The following GAD2 variants were observed in gnomAD, a reference collection of about 807,000 sequenced individuals.
The protein encoded by GAD2 is glutamate decarboxylase 2.
Under a neutral mutation model 80.1 loss-of-function variants are expected in GAD2, and 22 were observed. The observed-to-expected ratio is 0.27, with a 90% confidence interval of 0.20 to 0.39. The LOEUF (loss-of-function observed/expected upper bound fraction) is 0.39, where lower values mean the gene tolerates loss of function less well. Among genes scored for constraint, GAD2 ranks in the 10% least tolerant of loss-of-function variants. GAD2 has a pLI of 1.00. For missense variants in GAD2, 624 were observed against 738.4 expected, an observed-to-expected ratio of 0.85 and a Z score of 1.80; for synonymous variants, 274 against 256.9, an observed-to-expected ratio of 1.07 and a Z score of -0.64.
intron 13 of GAD2, 100 bp from the exon 14 acceptor site, chr10:26,292,365 G>A: frequency 1.2e-6 from 1 of 847,480 alleles, no homozygotes; most frequent in South Asian, 1.6e-5. Context: ...GTGCCAGACG[G>A]GGCTAAGACA....
intron 8 of GAD2, among the ~76,000 whole-genome samples, chr10:26,263,600 C>T (rs548042331): frequency 1.5e-4 from 23 of 152,352 alleles, no homozygotes; most frequent in African/African-American, 5.3e-4. Context: ...AGTCACTACG[C>T]AGTCTGTGCA....
At chr10:26,218,371 AT>A (rs577838114) in intron 3 of GAD2, 43 of 190,058 alleles carry the variant, frequency 2.3e-4, no homozygotes, top group East Asian at 3.9e-4. Flanking sequence ...TCAGAATTGC[AT>A]TTTTTTTAGG....
At chr10:26,218,764 C>T (rs1352024217) in intron 3 of GAD2, among the ~76,000 whole-genome samples, 2 of 152,026 alleles carry the variant, frequency 1.3e-5, no homozygotes, top group African/African-American at 4.8e-5. Context: ...ACTAGATAAA[C>T]GGAGGTACAC....
intron 6 of GAD2, among the ~76,000 whole-genome samples, chr10:26,226,447 T>C (rs1844524145): frequency 6.6e-6 from 1 of 152,210 alleles, no homozygotes. Flanking sequence ...GATGTCACAC[T>C]ACAGTGCAGT....
At chr10:26,229,259 T>C (rs971356678) in intron 6 of GAD2, among the ~76,000 whole-genome samples, 1 of 151,068 alleles carries the variant, frequency 6.6e-6, no homozygotes, top group Non-Finnish European at 1.5e-5. Context: ...TTAATCCAAA[T>C]GCAAGGCACT....
chr10:26,271,352 G>A (rs1410018763), intron 10 of GAD2, among the ~76,000 whole-genome samples: 1 of 151,960 alleles, frequency 6.6e-6, no homozygotes, highest in African/African-American at 2.4e-5. Flanking sequence ...TAATGAAGGT[G>A]TTCCCTCCAG....
At chr10:26,229,523 G>A in intron 6 of GAD2, 139 bp from the exon 7 acceptor site, 1 of 626,146 alleles carries the variant, frequency 1.6e-6, no homozygotes, top group South Asian at 2.0e-5. Flanking sequence ...TTGAGTCTGA[G>A]GATTCAGTTT....
chr10:26,285,254 G>A (rs553474694), intron 12 of GAD2, among the ~76,000 whole-genome samples: 16 of 152,280 alleles, frequency 1.1e-4, no homozygotes, highest in Admixed American at 2.0e-4. Flanking sequence ...TCAGCACTCC[G>A]TCTTTCAAAA....
At chr10:26,236,344 A>G (rs549827732) in intron 7 of GAD2, among the ~76,000 whole-genome samples, 14 of 141,864 alleles carry the variant, frequency 9.9e-5, no homozygotes, top group Non-Finnish European at 1.5e-4. Flanking sequence ...CTTGTCGTCC[A>G]GGCTGGAGTG....
chr10:26,247,243 C>T (rs1422395085), intron 8 of GAD2, among the ~76,000 whole-genome samples: 3 of 152,198 alleles, frequency 2.0e-5, no homozygotes, highest in Non-Finnish European at 4.4e-5. Flanking sequence ...ATTACCATGG[C>T]ATTTGTAAAC....
intron 7 of GAD2, among the ~76,000 whole-genome samples, chr10:26,244,808 A>T (rs75172294): frequency 0.026 from 4,005 of 152,230 alleles, 189 homozygotes; most frequent in African/African-American, 0.091. Context: ...GAGGTGATGG[A>T]TTGCACAACA....
intron 7 of GAD2, among the ~76,000 whole-genome samples, chr10:26,230,779 T>A (rs907659870): frequency 6.6e-6 from 1 of 151,436 alleles, no homozygotes; most frequent in Non-Finnish European, 1.5e-5. Context: ...TGACCAGAGG[T>A]TTTGTTACCA....
At chr10:26,260,106 C>T (rs1343046333) in intron 8 of GAD2, among the ~76,000 whole-genome samples, 2 of 152,000 alleles carry the variant, frequency 1.3e-5, no homozygotes, top group East Asian at 3.8e-4. Flanking sequence ...TAAGTATTTA[C>T]TGATTAGAAA....
chr10:26,242,383 G>T (rs938533102), intron 7 of GAD2, among the ~76,000 whole-genome samples: 8 of 152,058 alleles, frequency 5.3e-5, no homozygotes, highest in Admixed American at 5.2e-4. Flanking sequence ...TTGTTCTTCA[G>T]ACACTCTTTT....
chr10:26,245,879 T>A lies in GAD2; in HGVS notation c.841-42T>A, dbSNP rs761608919. On this transcript the variant is annotated intron_variant, in intron 7 of 15. Coordinates refer to ENST00000376261, the MANE Select transcript of GAD2 (RefSeq NM_001134366.2). Reference sequence around the variant, plus strand: ...AACAGCCAGTGGAATGGATCTTGTCTGTATATGGAACTAATTGCAAATATA... The same window carrying A: ...AACAGCCAGTGGAATGGATCTTGTCAGTATATGGAACTAATTGCAAATATA... 2.7e-6 allele frequency: 4 copies of A among 1,455,750 alleles called. No individual in the cohort carries two copies. In the Admixed American group the frequency reaches 5.1e-5, roughly 19 times the overall value. The allele number at this position is 1,455,750 out of a possible 1,614,324, so 90.2% of individuals were successfully genotyped here.
rs1376644376 is a variant in GAD2, at chr10:26,303,587, A to C, written c.*2626A>C. 6.6e-6 allele frequency: 1 copy of C among 152,078 alleles called. No homozygotes were observed. The highest frequency in any genetic ancestry group is 1.5e-5 in the Non-Finnish European group (1 of 68,022). 9.4% of individuals were successfully genotyped at this position (152,078 alleles called of 1,614,324 possible). A position where few individuals can be genotyped will look rare whatever the true frequency, so the allele number is the denominator to read the frequency against. On this transcript the variant is annotated 3_prime_UTR_variant, in exon 16 of 16. Transcript: ENST00000376261. ...TCTTTATGTGTGCCCATTCTTTACA[A>C]ATCTTAGAAAAGTTTGGTTTTAGCT... is the stretch of plus-strand genomic sequence containing the variant.
intron 7 of GAD2, among the ~76,000 whole-genome samples, chr10:26,235,711 G>C (rs377432331): frequency 1.6e-4 from 25 of 152,162 alleles, no homozygotes; most frequent in African/African-American, 2.9e-4. Flanking sequence ...TCATACAAAG[G>C]CTTGGCAAAA....
intron 11 of GAD2, among the ~76,000 whole-genome samples, chr10:26,275,891 G>GTGCT (rs1023607329): frequency 6.6e-6 from 1 of 152,232 alleles, no homozygotes; most frequent in African/African-American, 2.4e-5. Flanking sequence ...GCCGGGCACG[G>GTGCT]TGCTTGTAAT....
chr10:26,219,339 CT>C (rs1257192174), intron 4 of GAD2, 63 bp downstream of exon 4: 1 of 1,112,620 alleles, frequency 9.0e-7, no homozygotes, highest in Non-Finnish European at 1.3e-6. Flanking sequence ...TTATTTTTTT[CT>C]ATAAAATGTT....
Sources: gnomAD v4.1 joint callset for allele counts (sites outside exome capture counted in the v4.1 genomes callset) on GRCh38, gnomAD v4.1.1 for gene constraint, MANE v1.5 for transcripts, NCBI Gene and HGNC (gene_info 2026-07-23, HGNC 2026-07-21) for gene names.